EPG5: variants seen among roughly 807,000 people sequenced by gnomAD.
EPG5 encodes ectopic P granules protein 5 homolog.
A neutral mutation model predicts 302.7 loss-of-function variants in EPG5; 159 were observed. That is an observed-to-expected ratio of 0.53 (90% CI 0.46 to 0.60). The LOEUF (loss-of-function observed/expected upper bound fraction) is 0.60, where lower values mean the gene tolerates loss of function less well. Ranked by LOEUF, EPG5 falls within the 20% of genes least tolerant of loss-of-function variation. The pLI, the probability that EPG5 is intolerant of heterozygous loss-of-function variation, is 0.00. For synonymous variants in EPG5, 1,158 were observed against 1,136.8 expected (o/e 1.02, Z -0.37); for missense variants, 2,896 against 3,092.4 (o/e 0.94, Z 1.51).
chr18:45,842,362 G>A, the EPG5 span: 2 of 626,404 alleles, frequency 3.2e-6, no homozygotes, highest in Non-Finnish European at 5.6e-6. Flanking sequence ...GGCCTCCTAT[G>A]TGGACAACCA....
intron 27 of EPG5, among the ~76,000 whole-genome samples, chr18:45,891,139 T>G (rs928480103): frequency 3.3e-5 from 5 of 152,256 alleles, no homozygotes; most frequent in Non-Finnish European, 7.4e-5. Flanking sequence ...ATTCACAAAC[T>G]TATTACCTGA....
chr18:45,965,858 A>C (rs1470038489), intron 1 of EPG5, among the ~76,000 whole-genome samples: 1 of 151,302 alleles, frequency 6.6e-6, no homozygotes, highest in African/African-American at 2.4e-5. Context: ...GTTTGAGGCC[A>C]GCCTGACCAA....
chr18:45,918,687 T>C (rs1399784945), intron 16 of EPG5, among the ~76,000 whole-genome samples: 10 of 152,342 alleles, frequency 6.6e-5, no homozygotes, highest in Admixed American at 5.2e-4. Context: ...GGAAATATTA[T>C]TGTATCATTT....
At chr18:45,937,427 G>A (rs2050562311) in intron 10 of EPG5, among the ~76,000 whole-genome samples, 1 of 151,250 alleles carries the variant, frequency 6.6e-6, no homozygotes, top group Non-Finnish European at 1.5e-5. Flanking sequence ...TATATTTTGA[G>A]ACAGAGTCTT....
chr18:45,957,807 A>G (rs2051063998), intron 1 of EPG5, among the ~76,000 whole-genome samples: 1 of 152,254 alleles, frequency 6.6e-6, no homozygotes, highest in Non-Finnish European at 1.5e-5. Context: ...TTGGAAAATC[A>G]TAAGATGTGG....
chr18:45,903,967 AC>A lies in EPG5; in HGVS notation c.4474+5del. On this transcript the variant is annotated splice_donor_5th_base_variant and intron_variant, in intron 25 of 43. Coordinates refer to ENST00000282041, the MANE Select transcript of EPG5 (RefSeq NM_020964.3). ...ATTCGAAGGGGCAGGTGCTCCCAGG[AC>A]CCACCCAGCAAAGGATCAGTGAAGT... 1 of 1,604,608 alleles carries A rather than the reference AC, an allele frequency of 6.2e-7. No individual in the cohort carries two copies. The highest frequency in any genetic ancestry group is 8.5e-7 in the Non-Finnish European group (1 of 1,177,982).
Position 45,860,297 on chromosome 18 carries a change from T to A in EPG5, c.6816A>T (p.Glu2272Asp), listed in dbSNP as rs766271900. ...TCGCGTTGTTCATCATCATCAGGAC[T>A]TCCATAAAGAGGCTGCTGAGGGCCA... is the stretch of plus-strand genomic sequence containing the variant. Reference protein sequence around the residue: ...RHMALSSLFMEVLMMMNNATI... With the variant: ...RHMALSSLFMDVLMMMNNATI... The change falls in exon 40 of 44, where the codon GAA becomes GAT. Residue 2272 changes from glutamate to aspartate, a missense_variant. Transcript: ENST00000282041. 171 of 1,614,098 alleles carry A rather than the reference T, an allele frequency of 1.1e-4. No individual in the cohort carries two copies. Among genetic ancestry groups the A allele is most frequent in the Non-Finnish European group, 1.4e-4 (165 of 1,180,048 alleles).
intron 21 of EPG5, among the ~76,000 whole-genome samples, chr18:45,913,268 T>A (rs901709135): frequency 6.6e-6 from 1 of 152,144 alleles, no homozygotes; most frequent in Non-Finnish European, 1.5e-5. Context: ...GCAAAATCTA[T>A]ACTAAAATAG....
At chr18:45,826,922 G>A in the EPG5 span, among the ~76,000 whole-genome samples, 4 of 152,108 alleles carry the variant, frequency 2.6e-5, no homozygotes, top group Non-Finnish European at 5.9e-5. Context: ...TTGTTTGTTT[G>A]TTTCTCTTTG....
chr18:45,842,013 T>TG, the EPG5 span: 2 of 1,145,024 alleles, frequency 1.7e-6, no homozygotes, highest in South Asian at 2.5e-5. Context: ...CCCCAGAATG[T>TG]CTCCTCTTCT....
the EPG5 span, chr18:45,840,233 C>A: frequency 6.2e-7 from 1 of 1,612,616 alleles, no homozygotes; most frequent in East Asian, 2.2e-5. Context: ...CCCCGGACAC[C>A]CCACCACGGT....
chr18:45,807,113 C>T, the EPG5 span, among the ~76,000 whole-genome samples: 1 of 152,160 alleles, frequency 6.6e-6, no homozygotes, highest in Non-Finnish European at 1.5e-5. Context: ...GGCTTTCCTG[C>T]ACTGCTCTGA....
At chr18:45,866,755 C>T (rs1172640687) in intron 38 of EPG5, 43 bp downstream of exon 38, 1 of 1,491,708 alleles carries the variant, frequency 6.7e-7, no homozygotes, top group Non-Finnish European at 9.4e-7. Context: ...TGCTACCAAT[C>T]TCCAGGAACA....
intron 7 of EPG5, among the ~76,000 whole-genome samples, chr18:45,945,514 C>A (rs1205789872): frequency 6.6e-6 from 1 of 152,110 alleles, no homozygotes; most frequent in Non-Finnish European, 1.5e-5. Context: ...AGCCAGGCAC[C>A]AATGCAGGGT....
chr18:45,906,916 A>G (rs1042440921), intron 24 of EPG5, among the ~76,000 whole-genome samples: 1 of 152,204 alleles, frequency 6.6e-6, no homozygotes, highest in African/African-American at 2.4e-5. Context: ...TCGGCCTCCC[A>G]AAGTGTTGGG....
rs181719140 is a variant in EPG5, at chr18:45,898,634, G to A, written c.4809+770C>T. Among the ~76,000 whole-genome samples, 31 of 152,206 alleles carry A rather than the reference G, an allele frequency of 2.0e-4. 1 individual carries two copies. The East Asian group carries it at 5.4e-3, about 27-fold the overall frequency. On this transcript the variant is annotated intron_variant, in intron 27 of 43. Transcript: ENST00000282041. Reference sequence around the variant, plus strand: ...TCTGCTTCCCATATATCCTTCCCACGTTCATCTTCAGGGGCTCCCTGCCAT... The same window carrying A: ...TCTGCTTCCCATATATCCTTCCCACATTCATCTTCAGGGGCTCCCTGCCAT...
Position 45,849,194 on chromosome 18 carries a change from A to G in EPG5, c.*3273T>C, listed in dbSNP as rs868561680. On this transcript the variant is annotated 3_prime_UTR_variant, in exon 44 of 44. Coordinates refer to ENST00000282041, the MANE Select transcript of EPG5 (RefSeq NM_020964.3). The stretch of plus-strand genomic sequence containing the variant: ...TGTGATGAAAACTGAAAATATCTAA[A>G]GGTCTGCCTCAAGGAGGGGCAAGTG... 2.0e-5 allele frequency: 3 copies of G among 152,262 alleles called. No individual in the cohort carries two copies. Among genetic ancestry groups the G allele is most frequent in the South Asian group, 4.1e-4 (2 of 4,830 alleles). The allele number at this position is 152,262 out of a possible 1,614,324, so 9.4% of individuals were successfully genotyped here.
intron 35 of EPG5, among the ~76,000 whole-genome samples, chr18:45,875,070 GC>G (rs1337765747): frequency 6.6e-6 from 1 of 152,192 alleles, no homozygotes; most frequent in African/African-American, 2.4e-5. Context: ...ATTGAGGCCA[GC>G]CCGCAAGTGA....
At chr18:45,839,038 T>TTC in the EPG5 span, 174 of 1,556,842 alleles carry the variant, frequency 1.1e-4, no homozygotes, top group African/African-American at 2.3e-3. Context: ...CGCTCTCGGC[T>TTC]TCAAGGCGCT....
Sources: gnomAD v4.1 joint callset for allele counts (sites outside exome capture counted in the v4.1 genomes callset) on GRCh38, gnomAD v4.1.1 for gene constraint, MANE v1.5 for transcripts, NCBI Gene and HGNC (gene_info 2026-07-23, HGNC 2026-07-21) for gene names.